Variants in NFIB observed in about 807,000 individuals in gnomAD.
NFIB encodes nuclear factor I B.
NFIB carries 11 observed loss-of-function variants against 61.5 expected under a neutral mutation model. That is an observed-to-expected ratio of 0.18 (90% CI 0.11 to 0.30). The LOEUF is 0.30. Among genes scored for constraint, NFIB ranks in the 10% least tolerant of loss-of-function variants. The pLI is 1.00. For synonymous variants in NFIB, 260 were observed against 216.5 expected, an observed-to-expected ratio of 1.20 and a Z score of -1.76; for missense variants, 471 against 608.9, an observed-to-expected ratio of 0.77 and a Z score of 2.38.
chr9:14,492,615 G>T, the NFIB span, among the ~76,000 whole-genome samples: 4 of 151,952 alleles, frequency 2.6e-5, no homozygotes, highest in African/African-American at 9.7e-5. Context: ...TTAAATGACC[G>T]GATCTCACGG....
At chr9:14,325,270 G>A (rs1228024366) in intron 1 of NFIB, among the ~76,000 whole-genome samples, 1 of 152,064 alleles carries the variant, frequency 6.6e-6, no homozygotes, top group Non-Finnish European at 1.5e-5. Flanking sequence ...TGATTCCAGT[G>A]TTTTTAAATG....
intron 2 of NFIB, among the ~76,000 whole-genome samples, chr9:14,203,781 AAACT>A (rs1487096291): frequency 6.6e-6 from 1 of 152,242 alleles, no homozygotes; most frequent in Admixed American, 6.5e-5. Context: ...GCTGCTTGAA[AAACT>A]AACTACAAAG....
chr9:14,303,304 G>C (rs1033452437), intron 2 of NFIB, among the ~76,000 whole-genome samples: 1 of 152,186 alleles, frequency 6.6e-6, no homozygotes, highest in Admixed American at 6.5e-5. Context: ...CCACACACTT[G>C]TCATAGCACA....
At chr9:14,527,268 A>G in the NFIB span, among the ~76,000 whole-genome samples, 1 of 152,270 alleles carries the variant, frequency 6.6e-6, no homozygotes, top group East Asian at 1.9e-4. Flanking sequence ...ACAGATGTTA[A>G]AATTTTCTTT....
intron 1 of NFIB, among the ~76,000 whole-genome samples, chr9:14,389,563 T>G (rs1234121853): frequency 1.3e-5 from 2 of 152,208 alleles, no homozygotes; most frequent in African/African-American, 2.4e-5. Flanking sequence ...TGGACCAGAA[T>G]TTTGAACATT....
At position 14,085,673 on chromosome 9, in the gene NFIB, C is replaced by T. The variant is rs539375067; in HGVS notation, c.*2636G>A. 20 of 219,900 alleles carry T rather than the reference C, an allele frequency of 9.1e-5. No homozygotes were observed. The South Asian group carries it at 3.7e-3, about 41-fold the overall frequency. 13.6% of individuals were successfully genotyped at this position (219,900 alleles called of 1,614,324 possible). ...GTCCAAATACATTCAACAATAGCAA[C>T]CCTCTGTTCAATCTTCTGGATATTA... is the stretch of plus-strand genomic sequence containing the variant. On this transcript the variant is annotated 3_prime_UTR_variant, in exon 11 of 11. Transcript: ENST00000380953.
At chr9:14,257,475 G>A (rs2056332970) in intron 2 of NFIB, among the ~76,000 whole-genome samples, 1 of 152,184 alleles carries the variant, frequency 6.6e-6, no homozygotes, top group South Asian at 2.1e-4. Flanking sequence ...GATAATTCTG[G>A]ACAGGTGCAG....
At chr9:14,322,069 GTTTA>G (rs2060673635) in intron 1 of NFIB, 33 of 762,026 alleles carry the variant, frequency 4.3e-5, no homozygotes, top group Admixed American at 3.3e-4. Flanking sequence ...CGCTTTTTGT[GTTTA>G]GTTAAAAAAA....
chr9:14,108,188 G>A lies in NFIB; in HGVS notation c.1467+4811C>T, dbSNP rs146410737. On this transcript the variant is annotated intron_variant, in intron 10 of 10. Coordinates refer to ENST00000380953, the MANE Select transcript of NFIB (RefSeq NM_001190737.2). ...CAGAAGTCATGTGATAGCGTTTTAC[G>A]TCAAGCTGTCAATTATGATAACAGA... Among the ~76,000 whole-genome samples the A allele has an allele frequency of 1.8e-4, 27 of 152,142 alleles. No homozygotes were observed. The East Asian group carries it at 2.7e-3, about 15-fold the overall frequency.
At chr9:14,460,757 C>G in the NFIB span, among the ~76,000 whole-genome samples, 1 of 152,072 alleles carries the variant, frequency 6.6e-6, no homozygotes, top group East Asian at 1.9e-4. Flanking sequence ...GATAGTGTCT[C>G]TCCCCTGCTT....
intron 2 of NFIB, among the ~76,000 whole-genome samples, chr9:14,244,842 G>A (rs550141027): frequency 6.6e-5 from 10 of 152,204 alleles, no homozygotes; most frequent in African/African-American, 1.4e-4. Context: ...TTATTACACA[G>A]TACTTTCATG....
intron 2 of NFIB, among the ~76,000 whole-genome samples, chr9:14,231,136 ATATATATATAT>A (rs1444333022): frequency 9.6e-5 from 2 of 20,878 alleles, no homozygotes; most frequent in Non-Finnish European, 2.2e-4. Context: ...AAAAAAAAAA[ATATATATATAT>A]ATATATATAT....
intron 2 of NFIB, among the ~76,000 whole-genome samples, chr9:14,190,893 T>G (rs1378915330): frequency 6.6e-6 from 1 of 152,126 alleles, no homozygotes; most frequent in East Asian, 1.9e-4. Flanking sequence ...GAGAACAGTT[T>G]AAAATACAGA....
At chr9:14,347,052 C>T (rs865928557) in intron 1 of NFIB, among the ~76,000 whole-genome samples, 1 of 151,670 alleles carries the variant, frequency 6.6e-6, no homozygotes. Context: ...GGCCCCCACT[C>T]GGGAGACAAC....
At chr9:14,184,137 T>C (rs1240130984) in intron 2 of NFIB, among the ~76,000 whole-genome samples, 2 of 152,156 alleles carry the variant, frequency 1.3e-5, no homozygotes, top group Non-Finnish European at 2.9e-5. Flanking sequence ...TGACCCAATT[T>C]TATGGAAGAT....
chr9:14,470,686 G>C, the NFIB span, among the ~76,000 whole-genome samples: 1 of 152,074 alleles, frequency 6.6e-6, no homozygotes. Context: ...GTATAAATTC[G>C]AGACCACATG....
chr9:14,297,900 A>C (rs1334107837), intron 2 of NFIB, among the ~76,000 whole-genome samples: 1 of 152,226 alleles, frequency 6.6e-6, no homozygotes. Flanking sequence ...TTTAAAAATA[A>C]AATTATTTCA....
chr9:14,383,275 ACTCCTTGTTT>A (rs2061508783), intron 1 of NFIB, among the ~76,000 whole-genome samples: 1 of 152,112 alleles, frequency 6.6e-6, no homozygotes, highest in Admixed American at 6.6e-5. Flanking sequence ...CTCAAATTAA[ACTCCTTGTTT>A]GAGGGCCCAG....
At chr9:14,175,163 A>ATTTTTTTTTTTTTTTTTTTTTTTTTTT (rs375736787) in intron 3 of NFIB, among the ~76,000 whole-genome samples, 1 of 102,104 alleles carries the variant, frequency 9.8e-6, no homozygotes, top group Non-Finnish European at 1.9e-5. Context: ...GACTTAAAGA[A>ATTTTTTTTTTTTTTTTTTTTTTTTTTT]TTTCTTTTTT....
Sources: gnomAD v4.1 joint callset for allele counts (sites outside exome capture counted in the v4.1 genomes callset) on GRCh38, gnomAD v4.1.1 for gene constraint, MANE v1.5 for transcripts, NCBI Gene and HGNC (gene_info 2026-07-23, HGNC 2026-07-21) for gene names.